Variants in KLHL6 observed in about 807,000 individuals in gnomAD.
KLHL6 encodes kelch-like protein 6.
A neutral mutation model predicts 58.6 loss-of-function variants in KLHL6; 41 were observed. That is an observed-to-expected ratio of 0.70 (90% CI 0.55 to 0.91). The LOEUF is 0.91. Among genes scored for constraint, KLHL6 ranks in the 40% least tolerant of loss-of-function variants. The pLI is 0.00. For synonymous variants in KLHL6, 338 were observed against 322.7 expected (o/e 1.05, Z -0.51); for missense variants, 714 against 805.6 (o/e 0.89, Z 1.38).
At chr3:183,528,468 T>G (rs891724515) in intron 1 of KLHL6, among the ~76,000 whole-genome samples, 5 of 152,216 alleles carry the variant, frequency 3.3e-5, no homozygotes, top group Non-Finnish European at 7.3e-5. Context: ...CTCCTGTAGC[T>G]GCCTCTCACC....
At chr3:183,493,028 A>G (rs1425178814) in intron 5 of KLHL6, 2 of 318,950 alleles carry the variant, frequency 6.3e-6, no homozygotes, top group African/African-American at 2.1e-5. Context: ...TGTTTTATAC[A>G]TGCATATTCA....
chr3:183,494,882 T>C (rs957170145), intron 4 of KLHL6, among the ~76,000 whole-genome samples: 1 of 152,214 alleles, frequency 6.6e-6, no homozygotes, highest in Non-Finnish European at 1.5e-5. Context: ...ATGCTCACAA[T>C]AGATCATTTG....
chr3:183,512,131 T>C (rs746825912), intron 2 of KLHL6, among the ~76,000 whole-genome samples: 6 of 152,208 alleles, frequency 3.9e-5, no homozygotes, highest in Non-Finnish European at 7.3e-5. Context: ...CCCTCAGAAC[T>C]GGACACCAGA....
Position 183,555,467 on chromosome 3 carries a change from C to T in KLHL6, c.187G>A (p.Glu63Lys), listed in dbSNP as rs1221414043. 2 of 1,614,032 alleles carry T rather than the reference C, an allele frequency of 1.2e-6. No individual in the cohort carries two copies. Among genetic ancestry groups the T allele is most frequent in the Non-Finnish European group, 1.7e-6 (2 of 1,180,032 alleles). The change falls in exon 1 of 7, where the codon GAA (glutamate) becomes AAA (lysine). Residue 63 changes from glutamate (E) to lysine (K), a missense_variant. By Grantham distance (56) the Glu-to-Lys change is moderately conservative (BLOSUM62 1). This residue lies in a region of KLHL6 where 204 missense variants were observed against 175.9 expected (regional missense o/e 1.16). Coordinates refer to ENST00000341319, the MANE Select transcript of KLHL6 (RefSeq NM_130446.4). ...GLSLILQNGL[E>K]TLRMENALTD... ...AGAGCGTTTTCCATTCGCAGGGTTT[C>T]CAGGCCATTCTGAAGAATTAAGGAG...
intron 4 of KLHL6, among the ~76,000 whole-genome samples, chr3:183,497,961 C>T (rs966116905): frequency 6.6e-6 from 1 of 152,282 alleles, no homozygotes; most frequent in East Asian, 1.9e-4. Flanking sequence ...TAAGGCCGGG[C>T]GCAGTGGCTC....
At chr3:183,528,190 C>G (rs1712042077) in intron 1 of KLHL6, among the ~76,000 whole-genome samples, 180 bp from the exon 2 acceptor site, 1 of 152,138 alleles carries the variant, frequency 6.6e-6, no homozygotes, top group African/African-American at 2.4e-5. Context: ...TCAGTACTTA[C>G]CGAGCTGAAC....
chr3:183,555,505 TCAAATTTGA>T lies in KLHL6; in HGVS notation c.140_148del (p.Val47_Phe49del). On this transcript the variant is annotated inframe_deletion, in exon 1 of 7. Coordinates refer to ENST00000341319, the MANE Select transcript of KLHL6 (RefSeq NM_130446.4). Reference sequence around the variant, plus strand: ...AAGAATTAAGGAGAGTCCCGCGTCGTCAAATTTGACCTTTTCCCCATTTAAGATCTCGAC... The same window carrying T: ...AAGAATTAAGGAGAGTCCCGCGTCGTCCTTTTCCCCATTTAAGATCTCGAC... The T allele has an allele frequency of 6.2e-7, 1 of 1,614,116 alleles. No homozygotes were observed. Among genetic ancestry groups the T allele is most frequent in the Non-Finnish European group, 8.5e-7 (1 of 1,180,026 alleles).
rs1425166794 is a variant in KLHL6 at position 183,487,702 on chromosome 3, T to TTA, written c.*4223_*4224dup. Reference sequence around the variant, plus strand: ...ATTTTGTTCACTGAGTGTTGGCTATTTATACCTATACATATGAAAATCTGA... The same window carrying TTA: ...ATTTTGTTCACTGAGTGTTGGCTATTTATATACCTATACATATGAAAATCTGA... On this transcript the variant is annotated 3_prime_UTR_variant, in exon 7 of 7. Transcript: ENST00000341319. The TTA allele has an allele frequency of 8.5e-5, 13 of 152,214 alleles. No homozygotes were observed. Among genetic ancestry groups the TTA allele is most frequent in the Non-Finnish European group, 2.9e-5 (2 of 68,030 alleles). 9.4% of individuals were successfully genotyped at this position (152,214 alleles called of 1,614,324 possible).
chr3:183,545,327 C>T (rs1327332490), intron 1 of KLHL6, among the ~76,000 whole-genome samples: 1 of 152,190 alleles, frequency 6.6e-6, no homozygotes, highest in African/African-American at 2.4e-5. Context: ...ATGTGGCCAG[C>T]TCTTTTCGTG....
chr3:183,527,569 G>T (rs1396238530), intron 2 of KLHL6, among the ~76,000 whole-genome samples: 1 of 152,160 alleles, frequency 6.6e-6, no homozygotes, highest in South Asian at 2.1e-4. Context: ...CCCATGCCTA[G>T]GTTCTAGGCA....
Position 183,499,524 on chromosome 3 carries a change from G to T in KLHL6, c.1147+66C>A. On this transcript the variant is annotated intron_variant, in intron 4 of 6. Transcript: ENST00000341319. The surrounding 1 kb of genome is among the most constrained non-coding windows in gnomAD (Gnocchi z 4.6). The stretch of plus-strand genomic sequence containing the variant: ...GTAATTCTTCTAGGATGGTTGCCTG[G>T]CTGCCACTCAGGAATATATGTAGTG... 1 of 1,074,270 alleles carries T rather than the reference G, an allele frequency of 9.3e-7. No homozygotes were observed. The highest frequency in any genetic ancestry group is 2.5e-5 in the East Asian group (1 of 40,220). 66.5% of individuals were successfully genotyped at this position (1,074,270 alleles called of 1,614,324 possible). A position where few individuals can be genotyped will look rare whatever the true frequency, so the allele number is the denominator to read the frequency against.
At chr3:183,548,309 A>G (rs1229130802) in intron 1 of KLHL6, among the ~76,000 whole-genome samples, 1 of 152,162 alleles carries the variant, frequency 6.6e-6, no homozygotes, top group East Asian at 1.9e-4. Context: ...TGTGATTCCC[A>G]GGGTTGGCAG....
At chr3:183,535,222 C>A (rs1362701024) in intron 1 of KLHL6, among the ~76,000 whole-genome samples, 1 of 152,178 alleles carries the variant, frequency 6.6e-6, no homozygotes, top group Non-Finnish European at 1.5e-5. Context: ...GGATTACAGG[C>A]GTGAGCCAAC....
At position 183,491,902 on chromosome 3, in the gene KLHL6, G is replaced by T. The variant is rs199972518; in HGVS notation, c.*25C>A. ...AGGCGGGTACGCTGAGGGTCGGGGG[G>T]GCTCTCCAGCTCCCCATCCTGCCGT... On this transcript the variant is annotated 3_prime_UTR_variant, in exon 7 of 7. Coordinates refer to ENST00000341319, the MANE Select transcript of KLHL6 (RefSeq NM_130446.4). 9.0e-5 allele frequency: 131 copies of T among 1,458,410 alleles called. No homozygotes were observed. The African/African-American group carries it at 9.1e-4, about 10-fold the overall frequency. The allele number at this position is 1,458,410 out of a possible 1,614,324, so 90.3% of individuals were successfully genotyped here.
intron 1 of KLHL6, among the ~76,000 whole-genome samples, chr3:183,555,012 A>G (rs1427506098): frequency 6.6e-6 from 1 of 152,020 alleles, no homozygotes; most frequent in Non-Finnish European, 1.5e-5. Context: ...TGAAAATACA[A>G]AATTATCCGG....
chr3:183,506,718 C>G (rs139874151), intron 3 of KLHL6, among the ~76,000 whole-genome samples: 14 of 152,070 alleles, frequency 9.2e-5, no homozygotes, highest in African/African-American at 2.9e-4. Context: ...CTCCCAGCTA[C>G]TTGGATGGCT....
intron 1 of KLHL6, among the ~76,000 whole-genome samples, chr3:183,546,769 T>G (rs1712731739): frequency 6.6e-6 from 1 of 152,222 alleles, no homozygotes; most frequent in Non-Finnish European, 1.5e-5. Flanking sequence ...GTTTCACAAC[T>G]TGCTGGGATC....
At chr3:183,547,449 A>G (rs573397422) in intron 1 of KLHL6, among the ~76,000 whole-genome samples, 3 of 152,282 alleles carry the variant, frequency 2.0e-5, no homozygotes, top group Admixed American at 6.5e-5. Flanking sequence ...CTTTTCTCAC[A>G]TGCATATCTT....
intron 2 of KLHL6, among the ~76,000 whole-genome samples, chr3:183,524,760 G>A (rs915155875): frequency 2.0e-5 from 3 of 152,194 alleles, no homozygotes; most frequent in African/African-American, 7.2e-5. Flanking sequence ...ATTAAGAAGC[G>A]TTTATTACTG....
Sources: gnomAD v4.1 joint callset for allele counts (sites outside exome capture counted in the v4.1 genomes callset) on GRCh38, gnomAD v4.1.1 for gene constraint, gnomAD v4.1.1 regional missense constraint, Gnocchi (gnomAD v3.1) non-coding constraint, MANE v1.5 for transcripts, NCBI Gene and HGNC (gene_info 2026-07-23, HGNC 2026-07-21) for gene names.